The following TMEM132B variants were observed in gnomAD, a reference collection of about 807,000 sequenced individuals.
The protein encoded by TMEM132B is transmembrane protein 132B.
Under a neutral mutation model 90.8 loss-of-function variants are expected in TMEM132B, and 18 were observed. The ratio of observed to expected loss-of-function variants is 0.20; its 90% CI spans 0.14 to 0.29. TMEM132B has a LOEUF of 0.29. TMEM132B is among the 10% of genes least tolerant of loss of function. TMEM132B has a pLI of 1.00. For synonymous variants in TMEM132B, 504 were observed against 523.3 expected, an observed-to-expected ratio of 0.96 and a Z score of 0.50; for missense variants, 1,096 against 1,326.8, an observed-to-expected ratio of 0.83 and a Z score of 2.70.
intron 1 of TMEM132B, among the ~76,000 whole-genome samples, chr12:125,297,257 G>C (rs1231337382): frequency 1.3e-5 from 2 of 152,204 alleles, no homozygotes; most frequent in African/African-American, 4.8e-5. Context: ...CTCATGTCCC[G>C]AGGCAGGCAC....
intron 4 of TMEM132B, among the ~76,000 whole-genome samples, chr12:125,582,859 A>T (rs1376057613): frequency 6.6e-6 from 1 of 152,126 alleles, no homozygotes; most frequent in Admixed American, 6.5e-5. Flanking sequence ...CAGGGGAAGT[A>T]CCCTGTGGTA....
chr12:125,610,411 G>T (rs1240970617), intron 5 of TMEM132B, among the ~76,000 whole-genome samples: 1 of 152,140 alleles, frequency 6.6e-6, no homozygotes, highest in Non-Finnish European at 1.5e-5. Flanking sequence ...TCAGAATGAG[G>T]AGTTTCTCTT....
intron 1 of TMEM132B, among the ~76,000 whole-genome samples, chr12:125,189,537 G>A (rs1157485451): frequency 1.3e-5 from 2 of 150,914 alleles, no homozygotes; most frequent in African/African-American, 2.4e-5. Context: ...TGGGGGGGGT[G>A]CCTGTGTGTG....
chr12:125,311,740 G>T (rs1041128802), intron 1 of TMEM132B, among the ~76,000 whole-genome samples: 1 of 152,188 alleles, frequency 6.6e-6, no homozygotes, highest in South Asian at 2.1e-4. Flanking sequence ...GGCAGACAGC[G>T]GGCAGGCCAG....
chr12:125,627,260 A>G (rs556209712), intron 5 of TMEM132B, among the ~76,000 whole-genome samples: 33 of 152,214 alleles, frequency 2.2e-4, no homozygotes, highest in African/African-American at 7.7e-4. Context: ...TTCCTGTCTG[A>G]TAGTCCAAAC....
rs1244482908 is a variant in TMEM132B, at chr12:125,498,476, A to G, written c.1107-20963A>G. On this transcript the variant is annotated intron_variant, in intron 3 of 8. Transcript: ENST00000682704. This position sits in a 1 kb window ranked among gnomAD's most constrained non-coding sequence, Gnocchi z 4.5. ...GGAGACATCTAACCATGTTGTTAGC[A>G]TGTTTCAGAGACAATATCTGACTTC... Among the ~76,000 whole-genome samples, 2 of 152,216 alleles carry G rather than the reference A, an allele frequency of 1.3e-5. No homozygotes were observed. Among genetic ancestry groups the G allele is most frequent in the East Asian group, 1.9e-4 (1 of 5,192 alleles).
intron 3 of TMEM132B, among the ~76,000 whole-genome samples, chr12:125,500,132 A>G (rs1371587501): frequency 1.3e-5 from 2 of 152,214 alleles, no homozygotes; most frequent in Non-Finnish European, 2.9e-5. Flanking sequence ...TCAACCTGCC[A>G]GTCCACCTGG....
At chr12:125,644,325 T>C (rs12305906) in intron 6 of TMEM132B, 44 bp downstream of exon 6, 763,445 of 1,596,200 alleles carry the variant, frequency 0.48, 188,135 homozygotes, top group African/African-American at 0.75. Context: ...TGTCCTGGAG[T>C]CCAGATCTTT....
chr12:125,234,554 A>G (rs1331633585), intron 1 of TMEM132B, among the ~76,000 whole-genome samples: 2 of 152,140 alleles, frequency 1.3e-5, no homozygotes, highest in African/African-American at 4.8e-5. Context: ...CCAACGATCC[A>G]TGTTGTACCA....
chr12:125,640,991 A>C (rs1886617353), intron 5 of TMEM132B, among the ~76,000 whole-genome samples: 1 of 152,044 alleles, frequency 6.6e-6, no homozygotes, highest in South Asian at 2.1e-4. Context: ...TTACAAAAGA[A>C]ATATTGAAGT....
At chr12:125,536,901 C>A (rs1883813758) in intron 4 of TMEM132B, among the ~76,000 whole-genome samples, 1 of 151,904 alleles carries the variant, frequency 6.6e-6, no homozygotes, top group Non-Finnish European at 1.5e-5. Context: ...GCATGCCATA[C>A]CTTTAAAACC....
intron 5 of TMEM132B, among the ~76,000 whole-genome samples, chr12:125,607,308 C>T (rs1360610246): frequency 6.6e-6 from 1 of 152,116 alleles, no homozygotes; most frequent in African/African-American, 2.4e-5. Context: ...GCTCACAGAA[C>T]GAAAAGAGGT....
intron 2 of TMEM132B, among the ~76,000 whole-genome samples, chr12:125,359,273 T>C (rs1302233821): frequency 3.3e-5 from 5 of 152,238 alleles, no homozygotes; most frequent in African/African-American, 1.2e-4. Context: ...TCTAACCAGA[T>C]GTGTTCCTAC....
chr12:125,470,137 C>T (rs780371976), intron 3 of TMEM132B, among the ~76,000 whole-genome samples: 9 of 152,306 alleles, frequency 5.9e-5, no homozygotes, highest in South Asian at 2.1e-4. Context: ...CCAGCCATGA[C>T]GGGCCTGCTT....
rs140546481 is a variant in TMEM132B, at chr12:125,375,653, A to G, written c.959+25310A>G. On this transcript the variant is annotated intron_variant, in intron 2 of 8. Coordinates refer to ENST00000682704, the MANE Select transcript of TMEM132B (RefSeq NM_001366854.1). ...GCTGCCGGCTCTCTTTGAGGTGCAC[A>G]CATCACACTCTGTCACACCCAGGTA... Among the ~76,000 whole-genome samples the G allele has an allele frequency of 2.3e-3, 357 of 152,340 alleles. 2 individuals carry two copies. Among genetic ancestry groups the G allele is most frequent in the African/African-American group, 8.1e-3 (335 of 41,580 alleles).
intron 4 of TMEM132B, among the ~76,000 whole-genome samples, chr12:125,575,140 C>T (rs1331916158): frequency 7.4e-6 from 1 of 135,694 alleles, no homozygotes; most frequent in Non-Finnish European, 1.6e-5. Context: ...TTTGAGGAAG[C>T]ACCAAACTTT....
rs142811988 is a variant in TMEM132B at position 125,257,299 on chromosome 12, G to A, written c.67+70433G>A. Among the ~76,000 whole-genome samples, 9 of 152,176 alleles carry A rather than the reference G, an allele frequency of 5.9e-5. No homozygotes were observed. The East Asian group carries it at 1.5e-3, about 26-fold the overall frequency. The stretch of plus-strand genomic sequence containing the variant: ...TCAGGCCGGGCAACAGAGAAAGACC[G>A]TCTCTGAAAAAAAAAGTCAAGTAGC... On this transcript the variant is annotated intron_variant, in intron 1 of 8. Transcript: ENST00000682704.
At chr12:125,631,654 A>G (rs1216349990) in intron 5 of TMEM132B, among the ~76,000 whole-genome samples, 1 of 152,124 alleles carries the variant, frequency 6.6e-6, no homozygotes, top group Middle Eastern at 3.2e-3. Context: ...TGCTTTATAT[A>G]TCTGAGTGCT....
At chr12:125,568,629 T>C (rs977266473) in intron 4 of TMEM132B, among the ~76,000 whole-genome samples, 12 of 152,252 alleles carry the variant, frequency 7.9e-5, no homozygotes, top group African/African-American at 2.9e-4. Context: ...AAGTGTCGCA[T>C]ACCTTTCTTC....
Sources: allele counts gnomAD v4.1 joint callset (sites outside exome capture counted in the v4.1 genomes callset), GRCh38; gene constraint gnomAD v4.1.1; non-coding constraint Gnocchi (gnomAD v3.1); transcripts MANE v1.5; gene names NCBI Gene and HGNC (gene_info 2026-07-23, HGNC 2026-07-21).